The following CDC42BPA variants were observed in gnomAD, a reference collection of about 807,000 sequenced individuals.
CDC42BPA encodes serine/threonine-protein kinase MRCK alpha.
A neutral mutation model predicts 223.5 loss-of-function variants in CDC42BPA; 80 were observed. The ratio of observed to expected loss-of-function variants is 0.36; its 90% CI spans 0.30 to 0.43. The LOEUF (loss-of-function observed/expected upper bound fraction) is 0.43, where lower values mean the gene tolerates loss of function less well. CDC42BPA is among the 20% of genes least tolerant of loss of function. The probability of loss-of-function intolerance (pLI) is 1.00; values close to 1 mark genes in which losing one functional copy is unlikely to be tolerated. For synonymous variants in CDC42BPA, 694 were observed against 718.6 expected (o/e 0.97, Z 0.55); for missense variants, 1,743 against 2,099.9 (o/e 0.83, Z 3.32).
intron 1 of CDC42BPA, among the ~76,000 whole-genome samples, chr1:227,273,650 A>G (rs1380052283): frequency 6.6e-6 from 1 of 152,080 alleles, no homozygotes; most frequent in African/African-American, 2.4e-5. Flanking sequence ...GAATGATGCC[A>G]GTGGAGACTT....
rs1373333961 is a variant in CDC42BPA at position 227,105,354 on chromosome 1, CTCTT to C, written c.2002-4119_2002-4116del. Among the ~76,000 whole-genome samples the C allele has an allele frequency of 2.5e-4, 28 of 113,636 alleles. No individual in the cohort carries two copies. The South Asian group carries it at 4.9e-3, about 20-fold the overall frequency. 74.5% of individuals were successfully genotyped at this position (113,636 alleles called of 152,430 possible). A position where few individuals can be genotyped will look rare whatever the true frequency, so the allele number is the denominator to read the frequency against. ...CTTTGTATCTGTGAATTTGCCTATT[CTCTT>C]TTTTTTTTTTTTTTTTTTTTTGAGA... On this transcript the variant is annotated intron_variant, in intron 14 of 36. Coordinates refer to ENST00000366766, the MANE Select transcript of CDC42BPA (RefSeq NM_001394014.1).
intron 2 of CDC42BPA, among the ~76,000 whole-genome samples, chr1:227,215,012 AT>A (rs1440049788): frequency 2.0e-5 from 3 of 152,176 alleles, no homozygotes; most frequent in Admixed American, 1.3e-4. Flanking sequence ...GGCTATTAAT[AT>A]TCTTGCTTTT....
At chr1:227,311,736 A>T (rs976876088) in intron 1 of CDC42BPA, among the ~76,000 whole-genome samples, 1 of 152,060 alleles carries the variant, frequency 6.6e-6, no homozygotes, top group African/African-American at 2.4e-5. Flanking sequence ...AAAAAAAAAA[A>T]ATACCCTATC....
chr1:227,058,934 T>C (rs1426682841), intron 21 of CDC42BPA, among the ~76,000 whole-genome samples: 4 of 151,672 alleles, frequency 2.6e-5, no homozygotes, highest in African/African-American at 9.7e-5. Context: ...GTCAATAAGA[T>C]GTATAATTTG....
chr1:227,316,302 A>G (rs1694380019), intron 1 of CDC42BPA, among the ~76,000 whole-genome samples: 1 of 152,228 alleles, frequency 6.6e-6, no homozygotes, highest in Non-Finnish European at 1.5e-5. Context: ...CCACTACAGT[A>G]GGTCTTCTAA....
rs113016150 is a variant in CDC42BPA at position 227,291,239 on chromosome 1, G to C, written c.178+25766C>G. ...CTCCGGTGCCATCTGATAACCCTGA[G>C]GGAAAACAGTGTTAAAAAAGAAGTC... On this transcript the variant is annotated intron_variant, in intron 1 of 36. Coordinates refer to ENST00000366766, the MANE Select transcript of CDC42BPA (RefSeq NM_001394014.1). 6.0e-3 allele frequency among the ~76,000 whole-genome samples: 917 copies of C among 152,100 alleles called. 6 individuals are homozygous for C. The highest frequency in any genetic ancestry group is 0.024 in the Middle Eastern group (7 of 294).
At chr1:227,201,016 T>C (rs1341513238) in intron 3 of CDC42BPA, among the ~76,000 whole-genome samples, 2 of 152,374 alleles carry the variant, frequency 1.3e-5, no homozygotes, top group East Asian at 3.9e-4. Context: ...CCCTTGTCCA[T>C]TTTCTCTAAT....
chr1:227,185,871 A>G (rs552227275), intron 5 of CDC42BPA, among the ~76,000 whole-genome samples: 4 of 152,210 alleles, frequency 2.6e-5, no homozygotes, highest in East Asian at 3.9e-4. Context: ...TTATGGGGAG[A>G]CTTCCACTTC....
chr1:227,153,197 TTAATCTTATGGGCATA>T (rs1305163352), intron 6 of CDC42BPA, among the ~76,000 whole-genome samples: 1 of 151,526 alleles, frequency 6.6e-6, no homozygotes, highest in Non-Finnish European at 1.5e-5. Context: ...ATTAGCAATT[TTAATCTTATGGGCATA>T]TACATCTGTA....
intron 2 of CDC42BPA, among the ~76,000 whole-genome samples, chr1:227,248,417 T>G (rs986353310): frequency 6.6e-6 from 1 of 151,598 alleles, no homozygotes; most frequent in Admixed American, 6.6e-5. Context: ...TCAGTAAAGT[T>G]GCAGGATACA....
At chr1:227,001,540 C>A (rs1662847637) in intron 35 of CDC42BPA, among the ~76,000 whole-genome samples, 2 of 152,156 alleles carry the variant, frequency 1.3e-5, no homozygotes, top group Non-Finnish European at 2.9e-5. Context: ...ATCTGCAATT[C>A]CACAAATCCA....
intron 5 of CDC42BPA, among the ~76,000 whole-genome samples, chr1:227,187,632 G>A (rs184828569): frequency 1.2e-4 from 17 of 140,524 alleles, no homozygotes; most frequent in East Asian, 1.1e-3. Context: ...TCAAACCACA[G>A]AGCCAGGAAA....
intron 5 of CDC42BPA, among the ~76,000 whole-genome samples, chr1:227,178,750 C>T (rs995485665): frequency 8.5e-5 from 13 of 152,218 alleles, no homozygotes; most frequent in African/African-American, 2.9e-4. Context: ...CCACCTTGGC[C>T]TCCCAAAATG....
At position 227,047,247 on chromosome 1, in the gene CDC42BPA, C is replaced by T. The variant is rs538820298; in HGVS notation, c.3093+680G>A. Among the ~76,000 whole-genome samples, 150 of 152,240 alleles carry T rather than the reference C, an allele frequency of 9.9e-4. 6 individuals are homozygous for T. In the South Asian group the frequency reaches 0.03, roughly 31 times the overall value. ...CCTGCCTCATGTTACCAACATACTTCTTATCTCTTTAAGGATATTTTTTAT... is the reference window on the plus strand; with the variant it reads ...CCTGCCTCATGTTACCAACATACTTTTTATCTCTTTAAGGATATTTTTTAT... On this transcript the variant is annotated intron_variant, in intron 23 of 36. Coordinates refer to ENST00000366766, the MANE Select transcript of CDC42BPA (RefSeq NM_001394014.1).
At chr1:226,997,287 G>A (rs1455085499) in intron 35 of CDC42BPA, among the ~76,000 whole-genome samples, 1 of 152,078 alleles carries the variant, frequency 6.6e-6, no homozygotes, top group African/African-American at 2.4e-5. Flanking sequence ...CTATTTCTGT[G>A]GGATCAGTGG....
At chr1:227,309,130 C>A (rs1245684088) in intron 1 of CDC42BPA, among the ~76,000 whole-genome samples, 1 of 150,518 alleles carries the variant, frequency 6.6e-6, no homozygotes, top group South Asian at 2.1e-4. Flanking sequence ...TTTGGGGAGG[C>A]CAAGGTCAGA....
At chr1:227,166,683 T>C (rs1665095557) in intron 5 of CDC42BPA, among the ~76,000 whole-genome samples, 1 of 152,182 alleles carries the variant, frequency 6.6e-6, no homozygotes, top group Non-Finnish European at 1.5e-5. Context: ...AGGACCACCC[T>C]GGTTCTTTCT....
chr1:227,190,946 T>A (rs925294084), intron 5 of CDC42BPA, among the ~76,000 whole-genome samples: 1 of 152,068 alleles, frequency 6.6e-6, no homozygotes, highest in East Asian at 1.9e-4. Flanking sequence ...ACTAGAGATG[T>A]TTAGATGTTT....
chr1:227,183,821 G>A (rs1668334989), intron 5 of CDC42BPA, among the ~76,000 whole-genome samples: 1 of 152,156 alleles, frequency 6.6e-6, no homozygotes, highest in African/African-American at 2.4e-5. Flanking sequence ...CCAGCAACAT[G>A]TAAGAGATCC....
Sources: gnomAD v4.1 joint callset for allele counts (sites outside exome capture counted in the v4.1 genomes callset) on GRCh38, gnomAD v4.1.1 for gene constraint, MANE v1.5 for transcripts, NCBI Gene and HGNC (gene_info 2026-07-23, HGNC 2026-07-21) for gene names.